DNASE2: variants seen among roughly 807,000 people sequenced by gnomAD.
DNASE2 encodes the protein deoxyribonuclease-2-alpha.
In DNASE2, 26 loss-of-function variants were observed where a neutral mutation model predicts 29.8. The ratio of observed to expected loss-of-function variants is 0.87; its 90% CI spans 0.64 to 1.21. The LOEUF is 1.21. Among genes scored for constraint, DNASE2 ranks in the 50% most tolerant of loss-of-function variants. The probability of loss-of-function intolerance (pLI) is 0.00; values close to 1 mark genes in which losing one functional copy is unlikely to be tolerated. For synonymous variants in DNASE2, 186 were observed against 193.5 expected (o/e 0.96, Z 0.32); for missense variants, 415 against 455.6 (o/e 0.91, Z 0.81).
In DNASE2 at chr19:12,875,987, G is replaced by C; in HGVS notation, c.*3C>G. On this transcript the variant is annotated 3_prime_UTR_variant, in exon 6 of 6. Coordinates refer to ENST00000222219, the MANE Select transcript of DNASE2 (RefSeq NM_001375.3). The stretch of plus-strand genomic sequence containing the variant: ...CGTGAGCCACTGCACCTGGCCATAA[G>C]GGTTAGATCTTATAAGCTCTGCTGG... 1 of 1,612,888 alleles carries C rather than the reference G, an allele frequency of 6.2e-7. No homozygotes were observed. Among genetic ancestry groups the C allele is most frequent in the Non-Finnish European group, 8.5e-7 (1 of 1,180,018 alleles).
chr19:12,877,263 G>A (rs188887134), intron 5 of DNASE2, among the ~76,000 whole-genome samples: 1 of 152,000 alleles, frequency 6.6e-6, no homozygotes, highest in Admixed American at 6.6e-5. Context: ...TTTTGAGACT[G>A]GGTCTCATTT....
chr19:12,880,692 G>T, intron 3 of DNASE2, 110 bp downstream of exon 3: 1 of 1,416,416 alleles, frequency 7.1e-7, no homozygotes, highest in Non-Finnish European at 9.8e-7. Flanking sequence ...GGGGGGAATA[G>T]ATGCCCAGGG....
At position 12,878,660 on chromosome 19, in the gene DNASE2, C is replaced by A; in HGVS notation, c.511+10G>T. On this transcript the variant is annotated intron_variant, in intron 4 of 5. Coordinates refer to ENST00000222219, the MANE Select transcript of DNASE2 (RefSeq NM_001375.3). The stretch of plus-strand genomic sequence containing the variant: ...CCCAGGACTCATCCTGTGTCCCTGA[C>A]TCGACTTACCCATCTTCGAGAACTG... 1 of 1,614,020 alleles carries A rather than the reference C, an allele frequency of 6.2e-7. No homozygotes were observed. The highest frequency in any genetic ancestry group is 8.5e-7 in the Non-Finnish European group (1 of 1,179,986).
chr19:12,880,965 C>T lies in DNASE2; in HGVS notation c.267+7G>A. 1.2e-6 allele frequency: 2 copies of T among 1,614,194 alleles called. No individual in the cohort carries two copies. Among genetic ancestry groups the T allele is most frequent in the Non-Finnish European group, 1.7e-6 (2 of 1,180,030 alleles). On this transcript the variant is annotated splice_region_variant and intron_variant, in intron 2 of 5. Transcript: ENST00000222219. ...TTCGCCCCTAGTTGGCCCGGGGCCCCCTTCACCTGGCTGGTGTTGCTCCGG... is the reference window on the plus strand; with the variant it reads ...TTCGCCCCTAGTTGGCCCGGGGCCCTCTTCACCTGGCTGGTGTTGCTCCGG...
At chr19:12,878,127 A>G (rs1023358602) in intron 5 of DNASE2, 2 of 508,038 alleles carry the variant, frequency 3.9e-6, no homozygotes, top group Non-Finnish European at 3.6e-6. Context: ...CAAATGACTT[A>G]CAGGTACCAC....
intron 5 of DNASE2, chr19:12,878,103 C>T: frequency 2.2e-6 from 1 of 454,994 alleles, no homozygotes; most frequent in Admixed American, 3.3e-5. Flanking sequence ...GAGTGAGGCA[C>T]CACCTCTGGC....
chr19:12,876,162 C>G lies in DNASE2; in HGVS notation c.911G>C (p.Gly304Ala). The G allele has an allele frequency of 1.2e-6, 2 of 1,614,206 alleles. No homozygotes were observed. The highest frequency in any genetic ancestry group is 2.2e-5 in the South Asian group (2 of 91,086). The change falls in exon 6 of 6, where the codon GGG becomes GCG. Residue 304 changes from glycine to alanine, a missense_variant. Physicochemically the swap from Gly to Ala is moderately conservative, Grantham distance 60. Transcript: ENST00000222219. Reference protein sequence around the residue: ...DHSKWCVSPKGPWTCVGDMNR... With the variant: ...DHSKWCVSPKAPWTCVGDMNR... ...CATGTCACCCACGCAGGTCCAGGGC[C>G]CTTTTGGGGACACGCACCATTTGGA...
Position 12,875,838 on chromosome 19 carries a change from G to T in DNASE2, c.*152C>A. 2 of 895,066 alleles carry T rather than the reference G, an allele frequency of 2.2e-6. No individual in the cohort carries two copies. The highest frequency in any genetic ancestry group is 3.3e-6 in the Non-Finnish European group (2 of 600,796). The allele number at this position is 895,066 out of a possible 1,614,324, so 55.4% of individuals were successfully genotyped here. ...TGGGACTACAGGCATTTATCACCGT[G>T]CCTGGCTAACTTTTTTTAAGTTCTA... On this transcript the variant is annotated 3_prime_UTR_variant, in exon 6 of 6. Coordinates refer to ENST00000222219, the MANE Select transcript of DNASE2 (RefSeq NM_001375.3).
chr19:12,878,907 C>G (rs1970348229), intron 3 of DNASE2, 73 bp from the exon 4 acceptor site: 1 of 1,528,650 alleles, frequency 6.5e-7, no homozygotes, highest in South Asian at 1.2e-5. Flanking sequence ...CTTTGGGAGA[C>G]CGAGACACAC....
intron 3 of DNASE2, among the ~76,000 whole-genome samples, 169 bp from the exon 4 acceptor site, chr19:12,879,003 C>T (rs1460387604): frequency 6.6e-6 from 1 of 151,084 alleles, no homozygotes; most frequent in East Asian, 2.0e-4. Context: ...ATTAGCTGAG[C>T]GTGGTGGTGG....
At position 12,875,925 on chromosome 19, in the gene DNASE2, C is replaced by T. The variant is rs928679043; in HGVS notation, c.*65G>A. ...CTCGAATTCCTGAGTTCAAGTGATC[C>T]TCCCTCCTTGGCTTCCCAAAGTGCT... On this transcript the variant is annotated 3_prime_UTR_variant, in exon 6 of 6. Coordinates refer to ENST00000222219, the MANE Select transcript of DNASE2 (RefSeq NM_001375.3). 82 of 1,593,570 alleles carry T rather than the reference C, an allele frequency of 5.1e-5. No individual in the cohort carries two copies. The African/African-American group carries it at 9.7e-4, about 19-fold the overall frequency.
intron 5 of DNASE2, among the ~76,000 whole-genome samples, chr19:12,877,267 C>G (rs376130861): frequency 1.8e-4 from 27 of 152,112 alleles, no homozygotes; most frequent in Admixed American, 5.9e-4. Context: ...GAGACTGGGT[C>G]TCATTTTGAC....
In DNASE2 at chr19:12,875,888, G is replaced by A; in HGVS notation, c.*102C>T. Reference sequence around the variant, plus strand: ...AGTAGAGATGTGGTCTCACTATGTAGCCCAGGCTGGTCTCGAATTCCTGAG... The same window carrying A: ...AGTAGAGATGTGGTCTCACTATGTAACCCAGGCTGGTCTCGAATTCCTGAG... On this transcript the variant is annotated 3_prime_UTR_variant, in exon 6 of 6. Transcript: ENST00000222219. 1 of 1,486,012 alleles carries A rather than the reference G, an allele frequency of 6.7e-7. No individual in the cohort carries two copies. 92.1% of individuals were successfully genotyped at this position (1,486,012 alleles called of 1,614,324 possible).
At chr19:12,876,446 G>C in intron 5 of DNASE2, 83 bp from the exon 6 acceptor site, 2 of 1,331,320 alleles carry the variant, frequency 1.5e-6, no homozygotes, top group South Asian at 1.4e-5. Flanking sequence ...TCTCAGCTCA[G>C]TTTCCATATT....
In DNASE2 at chr19:12,881,305, C is replaced by T. The variant is rs1021493478; in HGVS notation, c.71G>A (p.Gly24Glu). 2 of 1,572,096 alleles carry T rather than the reference C, an allele frequency of 1.3e-6. No individual in the cohort carries two copies. Among genetic ancestry groups the T allele is most frequent in the African/African-American group, 2.7e-5 (2 of 73,844 alleles). The change falls in exon 1 of 6, where the codon GGG (glycine) becomes GAG (glutamate). Residue 24 changes from glycine to glutamate, a missense_variant. By Grantham distance (98) the Gly-to-Glu change is moderately conservative. Transcript: ENST00000222219. Reference protein sequence around the residue: ...AGALTCYGDSGQPVDWFVVYK... With the variant: ...AGALTCYGDSEQPVDWFVVYK... ...GCGCACTCACCAGTCTACAGGCTGC[C>T]CGGAGTCCCCGTAGCAGGTCAGGGC...
At chr19:12,877,203 G>A (rs569465035) in intron 5 of DNASE2, among the ~76,000 whole-genome samples, 1 of 152,188 alleles carries the variant, frequency 6.6e-6, no homozygotes, top group African/African-American at 2.4e-5. Context: ...GGGATTACAG[G>A]TGAGCCACCG....
Position 12,878,739 on chromosome 19 carries a change from G to A in DNASE2, c.442C>T (p.His148Tyr), listed in dbSNP as rs1220922380. 6.2e-7 allele frequency: 1 copy of A among 1,614,140 alleles called. No homozygotes were observed. Among genetic ancestry groups the A allele is most frequent in the South Asian group, 1.1e-5 (1 of 91,068 alleles). The change falls in exon 4 of 6, where the codon CAT (histidine) becomes TAT (tyrosine). Residue 148 changes from histidine to tyrosine, a missense_variant. His to Tyr is a moderately conservative substitution (Grantham distance 83). Transcript: ENST00000222219. ...PASSAAYSWP[H>Y]SACTYGQTLL... Reference sequence around the variant, plus strand: ...GTCTGCCCGTAGGTACAGGCGCTATGAGGCCAGCTGTATGCAGCAGAGGAG... The same window carrying A: ...GTCTGCCCGTAGGTACAGGCGCTATAAGGCCAGCTGTATGCAGCAGAGGAG...
At chr19:12,876,563 G>C (rs1437491351) in intron 5 of DNASE2, among the ~76,000 whole-genome samples, 200 bp from the exon 6 acceptor site, 1 of 149,472 alleles carries the variant, frequency 6.7e-6, no homozygotes, top group Non-Finnish European at 1.5e-5. Context: ...AGGTTCAAGT[G>C]ATTCTCCTGC....
At chr19:12,879,713 G>C (rs1213684811) in intron 3 of DNASE2, among the ~76,000 whole-genome samples, 1 of 152,178 alleles carries the variant, frequency 6.6e-6, no homozygotes, top group African/African-American at 2.4e-5. Flanking sequence ...GCTCATGCCG[G>C]TAATCGCAGC....
Sources: gnomAD v4.1 joint callset for allele counts (sites outside exome capture counted in the v4.1 genomes callset) on GRCh38, gnomAD v4.1.1 for gene constraint, MANE v1.5 for transcripts, NCBI Gene and HGNC (gene_info 2026-07-23, HGNC 2026-07-21) for gene names.